SLC5A4: variants seen among roughly 807,000 people sequenced by gnomAD.
SLC5A4 encodes the protein probable glucose sensor protein SLC5A4.
Under a neutral mutation model 70.3 loss-of-function variants are expected in SLC5A4, and 55 were observed. The ratio of observed to expected loss-of-function variants is 0.78; its 90% CI spans 0.63 to 0.98. SLC5A4 has a LOEUF of 0.98. Ranked by LOEUF, SLC5A4 falls within the 50% of genes least tolerant of loss-of-function variation. SLC5A4 has a pLI of 0.00. For missense variants in SLC5A4, 735 were observed against 839.2 expected (o/e 0.88, Z 1.53); for synonymous variants, 268 against 305.7 (o/e 0.88, Z 1.29).
chr22:32,220,950 G>A lies in SLC5A4; in HGVS notation c.1738C>T (p.Gln580Ter). 6.2e-7 allele frequency: 1 copy of A among 1,613,454 alleles called. No individual in the cohort carries two copies. The highest frequency in any genetic ancestry group is 8.5e-7 in the Non-Finnish European group (1 of 1,179,442). Residue 580 changes from glutamine (Q) to a stop codon, truncating the protein, a stop_gained, in exon 14 of 15, where the codon CAG becomes TAG. Transcript: ENST00000266086. LOFTEE classifies it low-confidence loss of function (END_TRUNC). ...RIDIDAEEKSQEETDDGVEED... is the reference protein window; with the variant it reads ...RIDIDAEEKS ...TCAACACCATCATCTGTTTCTTCCT[G>A]ACTTTTCTCTTCTGCATCTATATCG...
the SLC5A4 span, among the ~76,000 whole-genome samples, chr22:32,324,093 G>A: frequency 6.6e-6 from 1 of 152,120 alleles, no homozygotes; most frequent in Non-Finnish European, 1.5e-5. Flanking sequence ...TCAGGCTGGT[G>A]GACCCAGGAG....
chr22:32,306,118 GGAACAGTTGACAT>G, the SLC5A4 span, among the ~76,000 whole-genome samples: 1 of 152,106 alleles, frequency 6.6e-6, no homozygotes, highest in Non-Finnish European at 1.5e-5. Context: ...GTCAATCTAG[GGAACAGTTGACAT>G]GACACTCCTT....
chr22:32,315,890 C>T, the SLC5A4 span, among the ~76,000 whole-genome samples: 706 of 151,578 alleles, frequency 4.7e-3, 8 homozygotes, highest in African/African-American at 0.016. Flanking sequence ...TGGGCAGGGC[C>T]GGGCATGGTG....
the SLC5A4 span, among the ~76,000 whole-genome samples, chr22:32,311,994 G>C: frequency 6.6e-6 from 1 of 152,128 alleles, no homozygotes; most frequent in Non-Finnish European, 1.5e-5. Context: ...TCCCCACTGT[G>C]AGCTTTTTCT....
chr22:32,334,102 A>AT, the SLC5A4 span, among the ~76,000 whole-genome samples: 1 of 149,168 alleles, frequency 6.7e-6, no homozygotes, highest in Non-Finnish European at 1.5e-5. Flanking sequence ...CACACACATC[A>AT]CATAGACCCA....
chr22:32,303,604 C>CTG, the SLC5A4 span, among the ~76,000 whole-genome samples: 72,533 of 151,646 alleles, frequency 0.48, 17,477 homozygotes, highest in Admixed American at 0.51. Context: ...TAATATGCAT[C>CTG]TGTTTCCTCC....
At position 32,225,683 on chromosome 22, in the gene SLC5A4, G is replaced by A. The variant is rs563051402; in HGVS notation, c.1421C>T (p.Ala474Val). The change falls in exon 12 of 15, where the codon GCC becomes GTC. Residue 474 changes from alanine (A) to valine (V), a missense_variant. Coordinates refer to ENST00000266086, the MANE Select transcript of SLC5A4 (RefSeq NM_014227.3). ...TTCATTGACTCTTTTACAGAAGATG[G>A]CAAGCACAAAGACAGCTGCAATTGG... is the stretch of plus-strand genomic sequence containing the variant. The part of the protein sequence containing the change: ...GPPIAAVFVL[A>V]IFCKRVNEQG... 2 of 1,612,506 alleles carry A rather than the reference G, an allele frequency of 1.2e-6. No individual in the cohort carries two copies. Among genetic ancestry groups the A allele is most frequent in the South Asian group, 2.2e-5 (2 of 90,646 alleles).
chr22:32,288,674 G>T, the SLC5A4 span, among the ~76,000 whole-genome samples: 2 of 151,990 alleles, frequency 1.3e-5, no homozygotes, highest in African/African-American at 4.8e-5. Flanking sequence ...AGCCACCCGA[G>T]TAGCTGGGAT....
At chr22:32,287,137 G>T in the SLC5A4 span, among the ~76,000 whole-genome samples, 1 of 152,206 alleles carries the variant, frequency 6.6e-6, no homozygotes, top group Non-Finnish European at 1.5e-5. Context: ...TAAGGACATT[G>T]TATTACAAAA....
intron 2 of SLC5A4, 27 bp downstream of exon 2, chr22:32,254,115 A>G (rs1857274348): frequency 1.3e-6 from 2 of 1,584,194 alleles, no homozygotes; most frequent in African/African-American, 1.3e-5. Flanking sequence ...CAGGAAATTT[A>G]TCTCCAGAAA....
the SLC5A4 span, among the ~76,000 whole-genome samples, chr22:32,333,206 C>CCCCCCCCA: frequency 1.3e-5 from 2 of 150,386 alleles, no homozygotes; most frequent in African/African-American, 2.4e-5. Flanking sequence ...ACCCCCCCCC[C>CCCCCCCCA]AGAAGACTCA....
the SLC5A4 span, chr22:32,270,367 C>T: frequency 1.8e-5 from 26 of 1,413,174 alleles, no homozygotes; most frequent in Non-Finnish European, 2.5e-5. Context: ...GAGCATCCAG[C>T]CCCAGGTGGT....
At position 32,251,755 on chromosome 22, in the gene SLC5A4, T is replaced by A; in HGVS notation, c.312+15A>T. 6.7e-7 allele frequency: 1 copy of A among 1,498,434 alleles called. No homozygotes were observed. Among genetic ancestry groups the A allele is most frequent in the Non-Finnish European group, 9.3e-7 (1 of 1,074,358 alleles). The allele number at this position is 1,498,434 out of a possible 1,614,324, so 92.8% of individuals were successfully genotyped here. On this transcript the variant is annotated intron_variant, in intron 3 of 14. Transcript: ENST00000266086. ...TGGTTTTGATTTGAAGGAAAAAGCC[T>A]ATGATGTCACTTACAGTCCATTCAA...
At chr22:32,354,128 C>A in the SLC5A4 span, among the ~76,000 whole-genome samples, 10,165 of 150,712 alleles carry the variant, frequency 0.067, 476 homozygotes, top group African/African-American at 0.13. Flanking sequence ...TCTGATAGCA[C>A]CCAACCCGCC....
chr22:32,259,065 A>G (rs1927622833), upstream of SLC5A4, among the ~76,000 whole-genome samples: 2 of 152,244 alleles, frequency 1.3e-5, no homozygotes, highest in Non-Finnish European at 2.9e-5. Flanking sequence ...GCCAGTGAGC[A>G]TGTGGGGAGG....
At chr22:32,262,760 A>G in the SLC5A4 span, among the ~76,000 whole-genome samples, 1 of 151,254 alleles carries the variant, frequency 6.6e-6, no homozygotes, top group Non-Finnish European at 1.5e-5. Flanking sequence ...ACATCACTAC[A>G]TTTTTATTTT....
the SLC5A4 span, among the ~76,000 whole-genome samples, chr22:32,336,370 G>A: frequency 0.15 from 22,082 of 152,208 alleles, 2,255 homozygotes; most frequent in African/African-American, 0.29. Flanking sequence ...AATTACTCAC[G>A]CAAGCTGGCA....
At chr22:32,352,934 G>A in the SLC5A4 span, among the ~76,000 whole-genome samples, 1 of 152,206 alleles carries the variant, frequency 6.6e-6, no homozygotes, top group South Asian at 2.1e-4. Context: ...CGAGGCGAGC[G>A]GTGGTGCCAC....
chr22:32,225,307 C>G (rs956551513), intron 12 of SLC5A4, among the ~76,000 whole-genome samples: 1 of 152,208 alleles, frequency 6.6e-6, no homozygotes, highest in Non-Finnish European at 1.5e-5. Flanking sequence ...TAGGTGCTAT[C>G]ATTATCTTCA....
Sources: allele counts gnomAD v4.1 joint callset (sites outside exome capture counted in the v4.1 genomes callset), GRCh38; gene constraint gnomAD v4.1.1; transcripts MANE v1.5; gene names NCBI Gene and HGNC (gene_info 2026-07-23, HGNC 2026-07-21).